Variants in NLRP8 observed in about 807,000 individuals in gnomAD.
NLRP8 encodes NACHT, LRR and PYD domains-containing protein 8.
Under a neutral mutation model 88.7 loss-of-function variants are expected in NLRP8, and 86 were observed. The observed-to-expected ratio is 0.97, with a 90% CI of 0.81 to 1.16. The LOEUF is 1.16. Among genes scored for constraint, NLRP8 ranks in the 50% most tolerant of loss-of-function variants. NLRP8 has a pLI of 0.00. For synonymous variants in NLRP8, 504 were observed against 494.6 expected, an observed-to-expected ratio of 1.02 and a Z score of -0.25; for missense variants, 1,342 against 1,286.5, an observed-to-expected ratio of 1.04 and a Z score of -0.66.
intron 1 of NLRP8, 56 bp from the exon 2 acceptor site, chr19:55,952,482 C>G (rs1979137233): frequency 6.8e-7 from 1 of 1,461,434 alleles, no homozygotes; most frequent in Admixed American, 1.7e-5. Context: ...CATGCTGTTT[C>G]CCTGCTACCA....
At chr19:55,969,217 A>G (rs1004347756) in intron 5 of NLRP8, among the ~76,000 whole-genome samples, 2 of 152,220 alleles carry the variant, frequency 1.3e-5, no homozygotes, top group African/African-American at 4.8e-5. Flanking sequence ...CAAGCAGTGT[A>G]CACTGTACCC....
At chr19:55,976,083 TTTTGTTGTA>T (rs760032246) in intron 7 of NLRP8, 41 bp from the exon 8 acceptor site, 32 of 1,403,866 alleles carry the variant, frequency 2.3e-5, no homozygotes, top group Non-Finnish European at 3.1e-5. Context: ...GTTGTTGTTG[TTTTGTTGTA>T]GTTGTTGTTG....
At chr19:55,987,584 A>C (rs1980908041) in intron 9 of NLRP8, among the ~76,000 whole-genome samples, 1 of 152,208 alleles carries the variant, frequency 6.6e-6, no homozygotes, top group Admixed American at 6.5e-5. Context: ...CAGATAAGTT[A>C]AATGGCTTGC....
chr19:55,970,870 G>C (rs548293281), intron 6 of NLRP8, among the ~76,000 whole-genome samples, 174 bp downstream of exon 6: 1 of 152,194 alleles, frequency 6.6e-6, no homozygotes, highest in South Asian at 2.1e-4. Context: ...AGCCAAGAAT[G>C]AAAGAGAAAT....
intron 7 of NLRP8, among the ~76,000 whole-genome samples, chr19:55,975,168 A>C (rs561663600): frequency 6.6e-6 from 1 of 152,200 alleles, no homozygotes; most frequent in African/African-American, 2.4e-5. Flanking sequence ...CTTGTCTCAC[A>C]TGAGAATATG....
intron 4 of NLRP8, among the ~76,000 whole-genome samples, chr19:55,963,900 G>A (rs8099981): frequency 0.033 from 5,034 of 152,066 alleles, 253 homozygotes; most frequent in African/African-American, 0.11. Context: ...GTTGCCCACC[G>A]TCTGCTAGGC....
At chr19:55,980,543 G>A (rs1404586231) in intron 9 of NLRP8, among the ~76,000 whole-genome samples, 2 of 152,172 alleles carry the variant, frequency 1.3e-5, no homozygotes, top group African/African-American at 2.4e-5. Context: ...TTTGATGAGG[G>A]CTGTTGAATC....
intron 7 of NLRP8, among the ~76,000 whole-genome samples, chr19:55,974,786 TG>T (rs988044228): frequency 6.6e-6 from 1 of 151,504 alleles, no homozygotes; most frequent in Admixed American, 6.6e-5. Context: ...CTGGGGCTCG[TG>T]GCATGAATGT....
At chr19:55,974,831 C>G (rs306484) in intron 7 of NLRP8, among the ~76,000 whole-genome samples, 4 of 151,796 alleles carry the variant, frequency 2.6e-5, no homozygotes, top group African/African-American at 7.2e-5. Flanking sequence ...ACTTTCCCCC[C>G]ACCTCCCTCT....
chr19:55,966,415 G>C, intron 5 of NLRP8, 35 bp downstream of exon 5: 1 of 1,603,068 alleles, frequency 6.2e-7, no homozygotes. Flanking sequence ...GTGGGAACCG[G>C]GGTACCCGGA....
rs1352476134 is a variant in NLRP8 at position 55,955,387 on chromosome 19, C to T, written c.1329C>T (p.Ser443=). Residue 443 remains serine (S), a synonymous_variant, in exon 3 of 10, where the codon TCC becomes TCT. Coordinates refer to ENST00000291971, the MANE Select transcript of NLRP8 (RefSeq NM_176811.2). The stretch of plus-strand genomic sequence containing the variant: ...TTCCCACCAGAGCTGAGAACTTTTC[C>T]AGAAAGATCCACCAAGCACAACTGG... 6.2e-7 allele frequency: 1 copy of T among 1,614,164 alleles called. No homozygotes were observed. The highest frequency in any genetic ancestry group is 1.7e-5 in the Admixed American group (1 of 60,014).
At chr19:55,970,162 G>A (rs1980009578) in intron 5 of NLRP8, among the ~76,000 whole-genome samples, 1 of 152,136 alleles carries the variant, frequency 6.6e-6, no homozygotes, top group Admixed American at 6.6e-5. Context: ...GTGAGATGAT[G>A]GATGTATTAA....
intron 6 of NLRP8, among the ~76,000 whole-genome samples, chr19:55,971,310 C>T (rs527776574): frequency 2.6e-5 from 4 of 151,810 alleles, no homozygotes; most frequent in South Asian, 4.2e-4. Flanking sequence ...TGTGGTGGCA[C>T]GCACCTATAA....
intron 1 of NLRP8, among the ~76,000 whole-genome samples, chr19:55,948,786 G>T (rs1978968352): frequency 6.6e-6 from 1 of 152,242 alleles, no homozygotes; most frequent in African/African-American, 2.4e-5. Context: ...CTTATATGAG[G>T]TGAACGTTAA....
chr19:55,970,330 C>G (rs900213861), intron 5 of NLRP8, among the ~76,000 whole-genome samples: 2 of 152,050 alleles, frequency 1.3e-5, no homozygotes, highest in African/African-American at 4.8e-5. Flanking sequence ...TTATTGTATT[C>G]CAGTTGATGA....
chr19:55,970,769 T>G, intron 6 of NLRP8, 73 bp downstream of exon 6: 1 of 1,586,784 alleles, frequency 6.3e-7, no homozygotes, highest in Non-Finnish European at 8.6e-7. Flanking sequence ...AGTGCTTCTG[T>G]GAGAAAAGAA....
Position 55,988,400 on chromosome 19 carries a change from GAAAA to G in NLRP8, c.*494_*497del, listed in dbSNP as rs200476456. 3.2e-5 allele frequency: 3 copies of G among 92,572 alleles called. No individual in the cohort carries two copies. Among genetic ancestry groups the G allele is most frequent in the African/African-American group, 8.5e-5 (2 of 23,522 alleles). 5.7% of individuals were successfully genotyped at this position (92,572 alleles called of 1,614,324 possible). A position where few individuals can be genotyped will look rare whatever the true frequency, so the allele number is the denominator to read the frequency against. ...ACAGAGCAAGACTCTGTCTCAAGAA[GAAAA>G]AAAAAATACATATACACATAAATAT... On this transcript the variant is annotated 3_prime_UTR_variant, in exon 10 of 10. Transcript: ENST00000291971.
At position 55,954,664 on chromosome 19, in the gene NLRP8, G is replaced by A; in HGVS notation, c.606G>A (p.Gln202=). 6.2e-7 allele frequency: 1 copy of A among 1,614,190 alleles called. No homozygotes were observed. The highest frequency in any genetic ancestry group is 8.5e-7 in the Non-Finnish European group (1 of 1,180,036). Residue 202 remains glutamine (Q), a synonymous_variant, in exon 3 of 10, where the codon CAG becomes CAA. Transcript: ENST00000291971. ...TGCCCAAAAGACCCCAGGGTAGACAGCCCAAGACCGTGGCCATACAGGGAG... is the reference window on the plus strand; with the variant it reads ...TGCCCAAAAGACCCCAGGGTAGACAACCCAAGACCGTGGCCATACAGGGAG...
intron 9 of NLRP8, among the ~76,000 whole-genome samples, chr19:55,987,135 G>A (rs1405516238): frequency 3.3e-5 from 5 of 152,212 alleles, no homozygotes; most frequent in East Asian, 1.9e-4. Flanking sequence ...TTGGGAGGCC[G>A]AGGCAGGTGG....
Sources: allele counts gnomAD v4.1 joint callset (sites outside exome capture counted in the v4.1 genomes callset), GRCh38; gene constraint gnomAD v4.1.1; transcripts MANE v1.5; gene names NCBI Gene and HGNC (gene_info 2026-07-23, HGNC 2026-07-21).